Variants in ZBTB11 observed in about 807,000 individuals in gnomAD.
ZBTB11 encodes the protein zinc finger and BTB domain-containing protein 11.
In ZBTB11, 68 loss-of-function variants were observed where a neutral mutation model predicts 113.1. The observed-to-expected ratio is 0.60, with a 90% CI of 0.49 to 0.74. The LOEUF (loss-of-function observed/expected upper bound fraction) is 0.74, where lower values mean the gene tolerates loss of function less well. Ranked by LOEUF, ZBTB11 falls within the 30% of genes least tolerant of loss-of-function variation. The pLI is 0.00. For synonymous variants in ZBTB11, 518 were observed against 452.6 expected, an observed-to-expected ratio of 1.14 and a Z score of -1.83; for missense variants, 1,104 against 1,279.4, an observed-to-expected ratio of 0.86 and a Z score of 2.09.
chr3:101,674,721 A>C (rs577967963), intron 1 of ZBTB11, among the ~76,000 whole-genome samples: 6 of 151,752 alleles, frequency 4.0e-5, no homozygotes, highest in African/African-American at 1.4e-4. Flanking sequence ...TAAAATAAAT[A>C]AATAAATAAA....
Position 101,651,633 on chromosome 3 carries a change from G to A in ZBTB11, c.2695C>T (p.Arg899Ter), listed in dbSNP as rs1185458465. The change falls in exon 11 of 11, where the codon CGA (arginine) becomes TGA (stop). Residue 899 changes from arginine (R) to a stop codon, truncating the protein, a stop_gained. Transcript: ENST00000312938. LOFTEE classifies it high-confidence loss of function. ...LTCGVAWADA[R>*]SLKRHVRTHT... is the part of the protein sequence containing the mutation. ...GTTCTGACATGGCGTTTTAGAGATCGGGCATCAGCCCAAGCTACTCCACAT... is the reference window on the plus strand; with the variant it reads ...GTTCTGACATGGCGTTTTAGAGATCAGGCATCAGCCCAAGCTACTCCACAT... 10 of 1,608,246 alleles carry A rather than the reference G, an allele frequency of 6.2e-6. No homozygotes were observed. Among genetic ancestry groups the A allele is most frequent in the East Asian group, 2.2e-5 (1 of 44,796 alleles).
At chr3:101,673,052 G>C (rs898775887) in intron 1 of ZBTB11, among the ~76,000 whole-genome samples, 1 of 152,130 alleles carries the variant, frequency 6.6e-6, no homozygotes, top group African/African-American at 2.4e-5. Flanking sequence ...TGAGATTTTA[G>C]GGTTGTGTGA....
In ZBTB11 at chr3:101,659,866, T is replaced by C. The variant is rs774879921; in HGVS notation, c.1963A>G (p.Ile655Val). ...AATTTAGGTAATGTTCTTCCACATA[T>C]GGAACATATAAATTCCCGCTTGGTT... is the stretch of plus-strand genomic sequence containing the variant. ...GRTKREFICS[I>V]CGRTLPKLYS... Residue 655 changes from isoleucine (I) to valine (V), a missense_variant, in exon 6 of 11, where the codon ATA becomes GTA. By Grantham distance (29) the Ile-to-Val change is conservative. Coordinates refer to ENST00000312938, the MANE Select transcript of ZBTB11 (RefSeq NM_014415.4). 5 of 1,614,218 alleles carry C rather than the reference T, an allele frequency of 3.1e-6. 1 individual carries two copies. The South Asian group carries it at 4.4e-5, about 14-fold the overall frequency.
intron 1 of ZBTB11, 109 bp from the exon 2 acceptor site, chr3:101,672,322 A>G: frequency 1.4e-6 from 1 of 690,910 alleles, no homozygotes; most frequent in South Asian, 2.1e-5. Flanking sequence ...GCAGACATTC[A>G]TGTCCCATAA....
intron 1 of ZBTB11, among the ~76,000 whole-genome samples, chr3:101,675,714 G>GTATCT (rs1376810437): frequency 6.6e-6 from 1 of 152,182 alleles, no homozygotes; most frequent in East Asian, 1.9e-4. Context: ...CACAGTAATC[G>GTATCT]TACCTTTTCT....
intron 5 of ZBTB11, among the ~76,000 whole-genome samples, chr3:101,660,818 T>C (rs1936874677): frequency 6.6e-6 from 1 of 152,358 alleles, no homozygotes; most frequent in East Asian, 1.9e-4. Flanking sequence ...ACTGTAATTC[T>C]TTTTCCTTTC....
At chr3:101,657,586 A>G (rs1489717342) in intron 6 of ZBTB11, among the ~76,000 whole-genome samples, 1 of 152,054 alleles carries the variant, frequency 6.6e-6, no homozygotes, top group Non-Finnish European at 1.5e-5. Flanking sequence ...CATAAAACAC[A>G]TGTACCACGA....
In ZBTB11 at chr3:101,664,596, C is replaced by T; in HGVS notation, c.1742G>A (p.Arg581Gln). 6 of 1,613,752 alleles carry T rather than the reference C, an allele frequency of 3.7e-6. No homozygotes were observed. Among genetic ancestry groups the T allele is most frequent in the Non-Finnish European group, 4.2e-6 (5 of 1,179,902 alleles). Residue 581 changes from arginine to glutamine, a missense_variant, in exon 5 of 11, where the codon CGA (arginine) becomes CAA (glutamine). Coordinates refer to ENST00000312938, the MANE Select transcript of ZBTB11 (RefSeq NM_014415.4). ...CAGTTTGTGCATTATAAGGGCGTAT[C>T]GTCTCTGAAAAACCATTCCACATTC... ...CGECGMVFQR[R>Q]YALIMHKLKH...
Position 101,649,543 on chromosome 3 carries a change from G to A in ZBTB11, c.*1623C>T, listed in dbSNP as rs892352113. The stretch of plus-strand genomic sequence containing the variant: ...CTAAATCTAGTAACAACAGAGGATG[G>A]AACATAAAAGACACAATTCCAAATT... On this transcript the variant is annotated 3_prime_UTR_variant, in exon 11 of 11. Transcript: ENST00000312938. 6.6e-6 allele frequency: 1 copy of A among 152,136 alleles called. No individual in the cohort carries two copies. Among genetic ancestry groups the A allele is most frequent in the African/African-American group, 2.4e-5 (1 of 41,424 alleles). 9.4% of individuals were successfully genotyped at this position (152,136 alleles called of 1,614,324 possible). A position where few individuals can be genotyped will look rare whatever the true frequency, so the allele number is the denominator to read the frequency against.
chr3:101,673,523 T>C lies in ZBTB11; in HGVS notation c.311-1310A>G, dbSNP rs185525692. Among the ~76,000 whole-genome samples, 660 of 152,082 alleles carry C rather than the reference T, an allele frequency of 4.3e-3. 5 individuals carry two copies. Among genetic ancestry groups the C allele is most frequent in the African/African-American group, 0.014 (592 of 41,496 alleles). On this transcript the variant is annotated intron_variant, in intron 1 of 10. Transcript: ENST00000312938. ...AATTATACAAAGCTCCTTACACTTT[T>C]TTTTTTTTGAAATGGAGTCTCTCTC...
At chr3:101,662,169 T>C (rs1391299084) in intron 5 of ZBTB11, 2 of 151,342 alleles carry the variant, frequency 1.3e-5, no homozygotes, top group African/African-American at 4.9e-5. Flanking sequence ...CCAGCCAATA[T>C]GACATTTAAA....
At chr3:101,664,007 C>T (rs887634082) in intron 5 of ZBTB11, among the ~76,000 whole-genome samples, 31 of 152,196 alleles carry the variant, frequency 2.0e-4, no homozygotes, top group Non-Finnish European at 5.9e-5. Flanking sequence ...TCACTGTACA[C>T]AGTACTCCCC....
chr3:101,660,094 C>G, intron 5 of ZBTB11, 66 bp from the exon 6 acceptor site: 3 of 1,488,394 alleles, frequency 2.0e-6, no homozygotes, highest in Non-Finnish European at 2.8e-6. Context: ...AAACTCAACT[C>G]ATATTTGGAC....
In ZBTB11 at chr3:101,665,522, A is replaced by G. The variant is rs758256392; in HGVS notation, c.1065T>C (p.Pro355=). ...ASSEGTTTSL[P]TELGDCEIVL... is the part of the protein sequence containing the mutation. Reference sequence around the variant, plus strand: ...CAATTTCACAATCCCCAAGTTCAGTAGGTAAACTTGTTGTGGTTCCCTCAC... The same window carrying G: ...CAATTTCACAATCCCCAAGTTCAGTGGGTAAACTTGTTGTGGTTCCCTCAC... Residue 355 remains proline, a synonymous_variant, in exon 4 of 11, where the codon CCT becomes CCC. Coordinates refer to ENST00000312938, the MANE Select transcript of ZBTB11 (RefSeq NM_014415.4). 2 of 1,614,188 alleles carry G rather than the reference A, an allele frequency of 1.2e-6. No individual in the cohort carries two copies. Among genetic ancestry groups the G allele is most frequent in the East Asian group, 2.2e-5 (1 of 44,886 alleles).
intron 1 of ZBTB11, among the ~76,000 whole-genome samples, chr3:101,674,332 G>C (rs1278867645): frequency 1.3e-5 from 2 of 151,006 alleles, no homozygotes; most frequent in East Asian, 3.9e-4. Flanking sequence ...AAAAAGAGAA[G>C]AAAAGAAAGA....
rs1937084970 is a variant in ZBTB11 at position 101,671,516 on chromosome 3, T to C, written c.547-155A>G. ...CTATGTATTTAAATAAAAAGATATG[T>C]TGTCCTATCCTATTTTCTGCCATGT... On this transcript the variant is annotated intron_variant, in intron 2 of 10. Transcript: ENST00000312938. The C allele has an allele frequency of 9.5e-6, 6 of 634,200 alleles. No individual in the cohort carries two copies. The Admixed American group carries it at 1.5e-4, about 16-fold the overall frequency. 39.3% of individuals were successfully genotyped at this position (634,200 alleles called of 1,614,324 possible). A position where few individuals can be genotyped will look rare whatever the true frequency, so the allele number is the denominator to read the frequency against.
intron 3 of ZBTB11, chr3:101,670,928 C>A (rs75223143): frequency 1.8e-6 from 1 of 540,766 alleles, no homozygotes; most frequent in African/African-American, 1.9e-5. Flanking sequence ...TCACTTAAGA[C>A]GTAGTGAAAG....
Position 101,651,703 on chromosome 3 carries a change from A to G in ZBTB11, c.2645-20T>C. On this transcript the variant is annotated intron_variant, in intron 10 of 10. Transcript: ENST00000312938. ...TAACTCCTAAAAAAAAAAAAAAAAAAGCATGTGTAGTGAGGTGCAAGCACC... is the reference window on the plus strand; with the variant it reads ...TAACTCCTAAAAAAAAAAAAAAAAAGGCATGTGTAGTGAGGTGCAAGCACC... The G allele has an allele frequency of 1.4e-6, 2 of 1,459,956 alleles. No individual in the cohort carries two copies. The highest frequency in any genetic ancestry group is 1.8e-6 in the Non-Finnish European group (2 of 1,095,640). The allele number at this position is 1,459,956 out of a possible 1,614,324, so 90.4% of individuals were successfully genotyped here. A position where few individuals can be genotyped will look rare whatever the true frequency, so the allele number is the denominator to read the frequency against.
rs760717470 is a variant in ZBTB11, at chr3:101,650,159, A to T, written c.*1007T>A. On this transcript the variant is annotated 3_prime_UTR_variant, in exon 11 of 11. Coordinates refer to ENST00000312938, the MANE Select transcript of ZBTB11 (RefSeq NM_014415.4). The stretch of plus-strand genomic sequence containing the variant: ...GCACTGAATAATTTTCAACATTCTG[A>T]AATTACCTGACAATTACATGGTATC... 6.6e-5 allele frequency: 10 copies of T among 152,322 alleles called. No individual in the cohort carries two copies. Among genetic ancestry groups the T allele is most frequent in the Non-Finnish European group, 1.3e-4 (9 of 68,004 alleles). 9.4% of individuals were successfully genotyped at this position (152,322 alleles called of 1,614,324 possible). A position where few individuals can be genotyped will look rare whatever the true frequency, so the allele number is the denominator to read the frequency against.
Sources: gnomAD v4.1 joint callset for allele counts (sites outside exome capture counted in the v4.1 genomes callset) on GRCh38, gnomAD v4.1.1 for gene constraint, MANE v1.5 for transcripts, NCBI Gene and HGNC (gene_info 2026-07-23, HGNC 2026-07-21) for gene names.